ATP9B: variants seen among roughly 807,000 people sequenced by gnomAD.
The protein encoded by ATP9B is probable phospholipid-transporting ATPase IIB.
Under a neutral mutation model 146.1 loss-of-function variants are expected in ATP9B, and 110 were observed. The observed-to-expected ratio is 0.75, with a 90% CI of 0.65 to 0.88. The LOEUF (loss-of-function observed/expected upper bound fraction) is 0.88, where lower values mean the gene tolerates loss of function less well. Among genes scored for constraint, ATP9B ranks in the 40% least tolerant of loss-of-function variants. The pLI, the probability that ATP9B is intolerant of heterozygous loss-of-function variation, is 0.00. For synonymous variants in ATP9B, 604 were observed against 569.7 expected (o/e 1.06, Z -0.86); for missense variants, 1,499 against 1,496.4 (o/e 1.00, Z -0.03).
At position 79,185,073 on chromosome 18, in the gene ATP9B, C is replaced by A. The variant is rs4799017; in HGVS notation, c.874-8110C>A. ...TTCTGTACAAGCGATCAGCAGGTGA[C>A]AGAGGTTAGCAGTGCAGGGATAGGC... On this transcript the variant is annotated intron_variant, in intron 8 of 29. Transcript: ENST00000426216. Among the ~76,000 whole-genome samples, 4 of 151,628 alleles carry A rather than the reference C, an allele frequency of 2.6e-5. No homozygotes were observed. In the East Asian group the frequency reaches 7.7e-4, roughly 29 times the overall value.
At chr18:79,118,005 TA>T (rs1364241453) in intron 4 of ATP9B, 2 of 152,238 alleles carry the variant, frequency 1.3e-5, no homozygotes, top group African/African-American at 4.8e-5. Context: ...AACATTTGTT[TA>T]TAAAATTGAT....
chr18:79,218,475 T>C (rs897951240), intron 11 of ATP9B, among the ~76,000 whole-genome samples: 1 of 151,278 alleles, frequency 6.6e-6, no homozygotes, highest in African/African-American at 2.4e-5. Flanking sequence ...GCTGGTCATA[T>C]TTTCCTCGTG....
At chr18:79,202,744 A>T (rs2095500036) in intron 9 of ATP9B, among the ~76,000 whole-genome samples, 1 of 152,256 alleles carries the variant, frequency 6.6e-6, no homozygotes. Flanking sequence ...AATCATCGCC[A>T]TTCCAGAACT....
In ATP9B at chr18:79,259,822, T is replaced by C. The variant is rs1288744672; in HGVS notation, c.1268+6281T>C. Among the ~76,000 whole-genome samples, 5 of 152,366 alleles carry C rather than the reference T, an allele frequency of 3.3e-5. No homozygotes were observed. In the East Asian group the frequency reaches 9.6e-4, roughly 29 times the overall value. On this transcript the variant is annotated intron_variant, in intron 12 of 29. Transcript: ENST00000426216. The stretch of plus-strand genomic sequence containing the variant: ...TTTATCAGGTTACTTTTCGGTTAGG[T>C]ACCCTTTCTGTGACATTTTACAGGT...
chr18:79,262,091 G>A lies in ATP9B; in HGVS notation c.1268+8550G>A, dbSNP rs370210230. ...GGGGCCCTGCAGCTCAGTCCTCAGCGTCTTCATCTGGACACCCCGCTCCCC... is the reference window on the plus strand; with the variant it reads ...GGGGCCCTGCAGCTCAGTCCTCAGCATCTTCATCTGGACACCCCGCTCCCC... On this transcript the variant is annotated intron_variant, in intron 12 of 29. Transcript: ENST00000426216. Among the ~76,000 whole-genome samples the A allele has an allele frequency of 2.2e-4, 34 of 152,038 alleles. No homozygotes were observed. The East Asian group carries it at 3.5e-3, about 16-fold the overall frequency.
chr18:79,308,040 A>G (rs563254850), intron 15 of ATP9B, among the ~76,000 whole-genome samples: 1 of 152,296 alleles, frequency 6.6e-6, no homozygotes, highest in Admixed American at 6.5e-5. Context: ...TGTTTTAAAG[A>G]GAGGAGTCTG....
At chr18:79,334,340 G>A (rs1011721343) in intron 17 of ATP9B, among the ~76,000 whole-genome samples, 6 of 151,980 alleles carry the variant, frequency 3.9e-5, no homozygotes, top group African/African-American at 1.5e-4. Context: ...CTGGGTGACA[G>A]AGCAAGACTC....
At chr18:79,100,502 T>C (rs1433335921) in intron 2 of ATP9B, among the ~76,000 whole-genome samples, 2 of 152,244 alleles carry the variant, frequency 1.3e-5, no homozygotes, top group East Asian at 1.9e-4. Flanking sequence ...AAATATACTT[T>C]GTGAAGACTT....
intron 29 of ATP9B, chr18:79,376,334 A>T (rs2097103259): frequency 1.0e-5 from 10 of 985,226 alleles, no homozygotes; most frequent in Non-Finnish European, 1.2e-5. Flanking sequence ...AAATTCTGCC[A>T]CAGAGTGTTG....
At chr18:79,261,246 A>G (rs1161952440) in intron 12 of ATP9B, among the ~76,000 whole-genome samples, 4 of 152,156 alleles carry the variant, frequency 2.6e-5, no homozygotes, top group African/African-American at 9.7e-5. Flanking sequence ...ACTCCCATGC[A>G]TGCCGTGATG....
chr18:79,332,318 A>G (rs556848484), intron 17 of ATP9B, among the ~76,000 whole-genome samples: 13 of 152,310 alleles, frequency 8.5e-5, no homozygotes, highest in South Asian at 2.1e-4. Context: ...AGTCCCAGCT[A>G]CTTGGGAGGC....
chr18:79,265,428 G>C (rs56355634), intron 12 of ATP9B, among the ~76,000 whole-genome samples: 3 of 152,286 alleles, frequency 2.0e-5, no homozygotes, highest in Admixed American at 2.0e-4. Context: ...ACAAGCGTGA[G>C]CCACCACGCC....
At chr18:79,077,948 G>C (rs1029788218) in intron 1 of ATP9B, 4 of 152,122 alleles carry the variant, frequency 2.6e-5, no homozygotes, top group African/African-American at 9.7e-5. Context: ...AAGCCGGTTC[G>C]ATCTTTAAAC....
intron 11 of ATP9B, among the ~76,000 whole-genome samples, chr18:79,226,973 C>T (rs564347586): frequency 6.6e-6 from 1 of 152,296 alleles, no homozygotes; most frequent in South Asian, 2.1e-4. Flanking sequence ...GCACCATATA[C>T]TAGGCACTGA....
chr18:79,349,249 A>T (rs113631806), intron 25 of ATP9B, among the ~76,000 whole-genome samples: 1 of 152,244 alleles, frequency 6.6e-6, no homozygotes, highest in South Asian at 2.1e-4. Context: ...TGCAAAGCTC[A>T]TGCCCACCTT....
chr18:79,314,426 G>A (rs772436705), intron 15 of ATP9B, among the ~76,000 whole-genome samples: 1 of 152,152 alleles, frequency 6.6e-6, no homozygotes, highest in Non-Finnish European at 1.5e-5. Context: ...AGATGAATCT[G>A]TATTATACAA....
chr18:79,182,046 ATTAG>A (rs1185838764), intron 8 of ATP9B, among the ~76,000 whole-genome samples: 1 of 152,234 alleles, frequency 6.6e-6, no homozygotes, highest in Non-Finnish European at 1.5e-5. Flanking sequence ...TCTTTATTAA[ATTAG>A]TTAAACAACT....
chr18:79,259,290 A>T (rs1448456716), intron 12 of ATP9B, among the ~76,000 whole-genome samples: 1 of 152,174 alleles, frequency 6.6e-6, no homozygotes, highest in Non-Finnish European at 1.5e-5. Context: ...TATTCATTTA[A>T]AGTTCTCTGA....
chr18:79,125,134 T>A (rs572572146), intron 4 of ATP9B, among the ~76,000 whole-genome samples: 2 of 152,258 alleles, frequency 1.3e-5, no homozygotes, highest in Non-Finnish European at 1.5e-5. Context: ...AGAAGTATAC[T>A]GGATATGAAA....
Sources: allele counts gnomAD v4.1 joint callset (sites outside exome capture counted in the v4.1 genomes callset), GRCh38; gene constraint gnomAD v4.1.1; transcripts MANE v1.5; gene names NCBI Gene and HGNC (gene_info 2026-07-23, HGNC 2026-07-21).